Variants in CCNJL observed in about 807,000 individuals in gnomAD.
CCNJL encodes the protein cyclin J like, also known as cyclin-J-like protein.
CCNJL carries 33 observed loss-of-function variants against 33.4 expected under a neutral mutation model. The observed-to-expected ratio is 0.99, with a 90% CI of 0.75 to 1.32. The LOEUF (loss-of-function observed/expected upper bound fraction) is 1.32. Ranked by LOEUF, CCNJL falls within the 40% of genes most tolerant of loss-of-function variation. The probability of loss-of-function intolerance (pLI) is 0.00; values close to 1 mark genes in which losing one functional copy is unlikely to be tolerated. For synonymous variants in CCNJL, 227 were observed against 220.9 expected (o/e 1.03, Z -0.24); for missense variants, 512 against 499.7 (o/e 1.02, Z -0.23).
chr5:160,310,812 C>CAGT (rs1306160831), intron 2 of CCNJL, among the ~76,000 whole-genome samples: 1 of 152,158 alleles, frequency 6.6e-6, no homozygotes, highest in Non-Finnish European at 1.5e-5. Context: ...GATGTACCTA[C>CAGT]AAGCCGAGGA....
At chr5:160,297,287 T>G (rs994984539) in intron 2 of CCNJL, among the ~76,000 whole-genome samples, 13 of 152,136 alleles carry the variant, frequency 8.5e-5, no homozygotes, top group Non-Finnish European at 1.5e-4. Context: ...AGAGGCTGCT[T>G]TCGCAGGCAC....
chr5:160,285,633 G>C (rs1358104491), intron 2 of CCNJL, among the ~76,000 whole-genome samples: 1 of 152,214 alleles, frequency 6.6e-6, no homozygotes, highest in Non-Finnish European at 1.5e-5. Context: ...ATGCAGGAAA[G>C]GTAAGGATCT....
chr5:160,303,174 A>T (rs1231716048), intron 2 of CCNJL, among the ~76,000 whole-genome samples: 1 of 152,152 alleles, frequency 6.6e-6, no homozygotes, highest in Non-Finnish European at 1.5e-5. Context: ...GGAAATAGAT[A>T]AAGTGTTTTA....
chr5:160,253,058 G>C lies in CCNJL; in HGVS notation c.*320C>G, dbSNP rs183115115. On this transcript the variant is annotated 3_prime_UTR_variant, in exon 6 of 6. Coordinates refer to ENST00000257536, the MANE Select transcript of CCNJL (RefSeq NM_001308173.3). ...TGGACATGCTTGAGATCAGTGGTCT[G>C]TGTCCAGTTCCCACTCTCCTGGCCT... The C allele has an allele frequency of 7.3e-6, 2 of 272,152 alleles. No homozygotes were observed. The highest frequency in any genetic ancestry group is 6.8e-5 in the East Asian group (1 of 14,808). The allele number at this position is 272,152 out of a possible 1,614,324, so 16.9% of individuals were successfully genotyped here.
At chr5:160,333,591 CAA>C (rs565928049) in intron 1 of CCNJL, among the ~76,000 whole-genome samples, 18 of 128,344 alleles carry the variant, frequency 1.4e-4, no homozygotes, top group Admixed American at 1.6e-4. Context: ...ACCCTGTCTC[CAA>C]AAAAAAAAAA....
chr5:160,302,908 A>G (rs1306301069), intron 2 of CCNJL, among the ~76,000 whole-genome samples: 1 of 152,200 alleles, frequency 6.6e-6, no homozygotes, highest in East Asian at 1.9e-4. Flanking sequence ...GTCAAAGCAT[A>G]CGTAATTTAT....
At chr5:160,268,863 T>A (rs914835280) in intron 3 of CCNJL, among the ~76,000 whole-genome samples, 4 of 152,198 alleles carry the variant, frequency 2.6e-5, no homozygotes, top group African/African-American at 9.6e-5. Context: ...TGGCTGAGCT[T>A]CCTTTCTCCC....
intron 2 of CCNJL, among the ~76,000 whole-genome samples, chr5:160,299,156 A>T (rs1262226965): frequency 6.6e-6 from 1 of 151,460 alleles, no homozygotes; most frequent in Admixed American, 6.6e-5. Flanking sequence ...TTTAAAAAAA[A>T]ATTTTTTTTT....
intron 2 of CCNJL, among the ~76,000 whole-genome samples, chr5:160,285,923 G>T (rs1016389959): frequency 6.6e-6 from 1 of 152,234 alleles, no homozygotes; most frequent in East Asian, 1.9e-4. Context: ...AGTGCGGGGC[G>T]GCAGCTCCTC....
chr5:160,299,897 G>T (rs1428832931), intron 2 of CCNJL, among the ~76,000 whole-genome samples: 1 of 150,126 alleles, frequency 6.7e-6, no homozygotes, highest in African/African-American at 2.5e-5. Context: ...TGTCTACCAC[G>T]TTGCGTCTAA....
chr5:160,303,985 C>A (rs1270894767), intron 2 of CCNJL, among the ~76,000 whole-genome samples: 1 of 152,172 alleles, frequency 6.6e-6, no homozygotes, highest in Admixed American at 6.6e-5. Context: ...AAGTCCCTTG[C>A]CCATCTCATG....
chr5:160,322,807 G>A (rs151100614), intron 1 of CCNJL, among the ~76,000 whole-genome samples: 19 of 152,072 alleles, frequency 1.2e-4, no homozygotes, highest in Non-Finnish European at 1.9e-4. Flanking sequence ...TACTTGGGAG[G>A]CTGAGGCAGA....
intron 2 of CCNJL, among the ~76,000 whole-genome samples, chr5:160,287,646 G>C (rs1296435398): frequency 6.6e-6 from 1 of 152,246 alleles, no homozygotes; most frequent in Non-Finnish European, 1.5e-5. Flanking sequence ...GGCCGCAGCA[G>C]CGCAGTGCAG....
rs1223217720 is a variant in CCNJL, at chr5:160,259,461, G to A, written c.583+8C>T. On this transcript the variant is annotated splice_region_variant and intron_variant, in intron 4 of 5. Transcript: ENST00000257536. ...TGGGAGGTCCTGCCATCGGGTCCCA[G>A]CTGTCACCTTGCAGGGTGACCTCTA... is the stretch of plus-strand genomic sequence containing the variant. The A allele has an allele frequency of 6.2e-7, 1 of 1,604,022 alleles. No individual in the cohort carries two copies. The highest frequency in any genetic ancestry group is 1.3e-5 in the African/African-American group (1 of 74,818).
At chr5:160,322,724 G>A (rs1170052529) in intron 1 of CCNJL, among the ~76,000 whole-genome samples, 2 of 151,072 alleles carry the variant, frequency 1.3e-5, no homozygotes, top group East Asian at 3.9e-4. Context: ...TGGCCAATAT[G>A]GTGAAACCCC....
Position 160,255,709 on chromosome 5 carries a change from C to A in CCNJL, c.584-1G>T, listed in dbSNP as rs1348174948. 6.2e-7 allele frequency: 1 copy of A among 1,613,464 alleles called. No homozygotes were observed. The highest frequency in any genetic ancestry group is 1.3e-5 in the African/African-American group (1 of 74,924). On this transcript the variant is annotated splice_acceptor_variant, in intron 4 of 5. Coordinates refer to ENST00000257536, the MANE Select transcript of CCNJL (RefSeq NM_001308173.3). LOFTEE classifies it high-confidence loss of function. ...GGCTGGAATTTGTAGAATATGTGAT[C>A]TGAAAGAAAGCCACGGAGGGAGTCA... is the stretch of plus-strand genomic sequence containing the variant.
intron 2 of CCNJL, among the ~76,000 whole-genome samples, chr5:160,295,338 A>T (rs891681203): frequency 2.0e-5 from 3 of 151,984 alleles, no homozygotes; most frequent in African/African-American, 7.3e-5. Context: ...AAATACAAAA[A>T]ATTAGCTGGG....
chr5:160,309,799 A>G (rs916307758), intron 2 of CCNJL, among the ~76,000 whole-genome samples: 3 of 152,212 alleles, frequency 2.0e-5, no homozygotes, highest in African/African-American at 7.2e-5. Flanking sequence ...ATTTGTCCTA[A>G]TAAGGCCAGC....
At chr5:160,312,030 T>C in intron 1 of CCNJL, 58 bp from the exon 2 acceptor site, 1 of 1,107,630 alleles carries the variant, frequency 9.0e-7, no homozygotes, top group Non-Finnish European at 1.3e-6. Flanking sequence ...CGACCCCCGG[T>C]GTCCCTATCC....
Sources: gnomAD v4.1 joint callset for allele counts (sites outside exome capture counted in the v4.1 genomes callset) on GRCh38, gnomAD v4.1.1 for gene constraint, MANE v1.5 for transcripts, NCBI Gene and HGNC (gene_info 2026-07-23, HGNC 2026-07-21) for gene names.